Variants in MMP16 observed in about 807,000 individuals in gnomAD.
MMP16 encodes matrix metallopeptidase 16, also known as matrix metalloproteinase-16.
A neutral mutation model predicts 67.8 loss-of-function variants in MMP16; 12 were observed. The ratio of observed to expected loss-of-function variants is 0.18; its 90% CI spans 0.11 to 0.29. The LOEUF (loss-of-function observed/expected upper bound fraction) is 0.29. Ranked by LOEUF, MMP16 falls within the 10% of genes least tolerant of loss-of-function variation. The pLI is 1.00. For synonymous variants in MMP16, 249 were observed against 255.9 expected (o/e 0.97, Z 0.26); for missense variants, 475 against 765.7 (o/e 0.62, Z 4.48).
chr8:88,117,714 C>T (rs1435802328), intron 5 of MMP16, among the ~76,000 whole-genome samples: 1 of 151,788 alleles, frequency 6.6e-6, no homozygotes, highest in Non-Finnish European at 1.5e-5. Flanking sequence ...CTATTTTACC[C>T]CTGAGAGAAT....
rs150277629 is a variant in MMP16, at chr8:88,119,190, C to T, written c.710-329G>A. Among the ~76,000 whole-genome samples, 126 of 152,134 alleles carry T rather than the reference C, an allele frequency of 8.3e-4. 1 individual carries two copies. The highest frequency in any genetic ancestry group is 2.8e-3 in the African/African-American group (118 of 41,542). ...ACTCTTCTAATTATGAAACACATAA[C>T]GTGAAACATCTTACTTTTATATGTC... On this transcript the variant is annotated intron_variant, in intron 4 of 9. Transcript: ENST00000286614.
chr8:88,245,801 G>A (rs1810104903), intron 1 of MMP16, among the ~76,000 whole-genome samples: 1 of 152,148 alleles, frequency 6.6e-6, no homozygotes. Context: ...TGCCTTTGGA[G>A]AAAAGTGATG....
chr8:88,222,535 AACACC>A (rs1171030245), intron 1 of MMP16, among the ~76,000 whole-genome samples: 15 of 152,140 alleles, frequency 9.9e-5, no homozygotes, highest in African/African-American at 1.4e-4. Context: ...CCTCAGAAAT[AACACC>A]ACACAACTAC....
intron 4 of MMP16, among the ~76,000 whole-genome samples, chr8:88,133,535 C>T (rs1808068889): frequency 6.6e-6 from 1 of 151,786 alleles, no homozygotes; most frequent in Non-Finnish European, 1.5e-5. Context: ...GTTCTCTATT[C>T]ATTTTGCTAC....
chr8:88,092,916 T>C (rs28906390), intron 6 of MMP16, among the ~76,000 whole-genome samples: 29,893 of 151,766 alleles, frequency 0.2, 3,472 homozygotes, highest in Non-Finnish European at 0.25. Flanking sequence ...ACCCACTCAA[T>C]TGGTAGTGAG....
At chr8:88,312,183 A>T (rs2130068446) in intron 1 of MMP16, among the ~76,000 whole-genome samples, 1 of 152,306 alleles carries the variant, frequency 6.6e-6, no homozygotes, top group Admixed American at 6.5e-5. Context: ...CCAACTGGAG[A>T]TAAAAACTGG....
At chr8:88,198,417 T>A (rs1000393046) in intron 1 of MMP16, among the ~76,000 whole-genome samples, 1 of 152,152 alleles carries the variant, frequency 6.6e-6, no homozygotes, top group East Asian at 1.9e-4. Flanking sequence ...TTTGCCAGCA[T>A]GTGTTACCCT....
chr8:88,323,453 C>G (rs923040059), intron 1 of MMP16, among the ~76,000 whole-genome samples: 3 of 151,976 alleles, frequency 2.0e-5, no homozygotes, highest in African/African-American at 7.3e-5. Flanking sequence ...ATAAAAGACC[C>G]CTTTGAAATC....
intron 1 of MMP16, among the ~76,000 whole-genome samples, chr8:88,215,261 C>T (rs964554169): frequency 4.0e-5 from 6 of 151,352 alleles, no homozygotes; most frequent in South Asian, 2.1e-4. Flanking sequence ...ACCCAGGAGG[C>T]GGAGGTTGCA....
chr8:88,213,323 C>A (rs113183492), intron 1 of MMP16, among the ~76,000 whole-genome samples: 3 of 152,018 alleles, frequency 2.0e-5, no homozygotes, highest in Non-Finnish European at 4.4e-5. Context: ...CTTGTCATCA[C>A]GAGACGTTTG....
At chr8:88,068,557 G>A (rs979181524) in intron 7 of MMP16, among the ~76,000 whole-genome samples, 13 of 151,962 alleles carry the variant, frequency 8.6e-5, no homozygotes, top group Admixed American at 1.3e-4. Context: ...CCATATTTTC[G>A]TATAGTACAG....
intron 7 of MMP16, among the ~76,000 whole-genome samples, chr8:88,065,810 A>C (rs1808456712): frequency 6.6e-6 from 1 of 152,154 alleles, no homozygotes; most frequent in Non-Finnish European, 1.5e-5. Flanking sequence ...CCTGTTTATG[A>C]GGACTCATTT....
chr8:88,128,830 A>G (rs1351306005), intron 4 of MMP16, among the ~76,000 whole-genome samples: 1 of 151,772 alleles, frequency 6.6e-6, no homozygotes, highest in Non-Finnish European at 1.5e-5. Context: ...GATCCTAAAG[A>G]TCTGGATGGT....
At chr8:88,229,938 T>C (rs1205494207) in intron 1 of MMP16, among the ~76,000 whole-genome samples, 1 of 152,158 alleles carries the variant, frequency 6.6e-6, no homozygotes, top group Non-Finnish European at 1.5e-5. Context: ...TTTCTTCACC[T>C]CTGAATCACT....
chr8:88,183,879 C>G (rs1809025075), intron 3 of MMP16, among the ~76,000 whole-genome samples: 1 of 151,162 alleles, frequency 6.6e-6, no homozygotes, highest in African/African-American at 2.4e-5. Context: ...CAACTCCGAG[C>G]TAATTTTTAT....
chr8:88,254,585 A>G (rs1179311824), intron 1 of MMP16, among the ~76,000 whole-genome samples: 2 of 152,144 alleles, frequency 1.3e-5, no homozygotes, highest in African/African-American at 4.8e-5. Context: ...ACTAGTTTGT[A>G]TTTTATTTGA....
intron 6 of MMP16, among the ~76,000 whole-genome samples, chr8:88,098,160 A>T (rs1480269640): frequency 6.6e-6 from 1 of 152,022 alleles, no homozygotes. Flanking sequence ...GGGTACAGAT[A>T]AAATATCAGC....
At chr8:88,299,142 T>G (rs1402451651) in intron 1 of MMP16, among the ~76,000 whole-genome samples, 1 of 152,184 alleles carries the variant, frequency 6.6e-6, no homozygotes, top group South Asian at 2.1e-4. Flanking sequence ...CAGTCCTTTT[T>G]ACCTACACTC....
At chr8:88,056,351 T>A (rs939703445) in intron 7 of MMP16, 73 bp from the exon 8 acceptor site, 1 of 634,918 alleles carries the variant, frequency 1.6e-6, no homozygotes, top group Non-Finnish European at 2.2e-6. Context: ...TTAACACATT[T>A]AAAATTATAT....
Sources: allele counts gnomAD v4.1 joint callset (sites outside exome capture counted in the v4.1 genomes callset), GRCh38; gene constraint gnomAD v4.1.1; transcripts MANE v1.5; gene names NCBI Gene and HGNC (gene_info 2026-07-23, HGNC 2026-07-21).